The following RANBP2 variants were observed in gnomAD, a reference collection of about 807,000 sequenced individuals.
RANBP2 encodes the protein RAN binding protein 2, also known as E3 SUMO-protein ligase RanBP2.
RANBP2 carries 57 observed loss-of-function variants against 303.6 expected under a neutral mutation model. The observed-to-expected ratio is 0.19, with a 90% CI of 0.15 to 0.23. The LOEUF is 0.23. Ranked by LOEUF, RANBP2 falls within the 10% of genes least tolerant of loss-of-function variation. The pLI is 1.00. For synonymous variants in RANBP2, 1,167 were observed against 1,301.5 expected, an observed-to-expected ratio of 0.90 and a Z score of 2.23; for missense variants, 3,138 against 3,780.8, an observed-to-expected ratio of 0.83 and a Z score of 4.46.
At chr2:109,541,310 G>A in the RANBP2 span, among the ~76,000 whole-genome samples, 6 of 152,252 alleles carry the variant, frequency 3.9e-5, no homozygotes, top group South Asian at 4.1e-4. Context: ...TCTGTAAGAC[G>A]TTATAATTGC....
the RANBP2 span, among the ~76,000 whole-genome samples, chr2:109,368,382 GT>G: frequency 1.3e-5 from 2 of 152,018 alleles, no homozygotes; most frequent in East Asian, 3.9e-4. Flanking sequence ...GGACATTCAA[GT>G]TTAATCCTTA....
the RANBP2 span, among the ~76,000 whole-genome samples, chr2:109,519,760 C>A: frequency 6.6e-6 from 1 of 152,220 alleles, no homozygotes; most frequent in South Asian, 2.1e-4. Flanking sequence ...TTGTCAAGGG[C>A]ATGTGAGGGC....
the RANBP2 span, among the ~76,000 whole-genome samples, chr2:108,817,148 A>T: frequency 6.6e-6 from 1 of 152,242 alleles, no homozygotes; most frequent in African/African-American, 2.4e-5. Flanking sequence ...TAGGGAGGTT[A>T]TCCAGGATTA....
chr2:108,871,826 T>A, the RANBP2 span, among the ~76,000 whole-genome samples: 2 of 152,214 alleles, frequency 1.3e-5, no homozygotes, highest in East Asian at 3.8e-4. Flanking sequence ...TTTTTAGTCA[T>A]AGTTTATCTT....
the RANBP2 span, among the ~76,000 whole-genome samples, chr2:109,417,424 A>G: frequency 3.9e-5 from 6 of 152,078 alleles, no homozygotes; most frequent in Non-Finnish European, 8.8e-5. Flanking sequence ...GGGCAGACAG[A>G]AGACCCTGGA....
chr2:109,698,918 G>A, the RANBP2 span, among the ~76,000 whole-genome samples: 4 of 152,174 alleles, frequency 2.6e-5, no homozygotes, highest in South Asian at 4.1e-4. Flanking sequence ...GTGAGACTCC[G>A]TCTCAAAAAG....
At chr2:109,369,117 G>A in the RANBP2 span, among the ~76,000 whole-genome samples, 1 of 152,068 alleles carries the variant, frequency 6.6e-6, no homozygotes, top group East Asian at 1.9e-4. Flanking sequence ...GGCCGAGGTG[G>A]GCAGATCACG....
chr2:109,185,833 G>T, the RANBP2 span, among the ~76,000 whole-genome samples: 1 of 152,246 alleles, frequency 6.6e-6, no homozygotes, highest in Non-Finnish European at 1.5e-5. Context: ...GAGAAATGAG[G>T]CGACAGTGTC....
In RANBP2 at chr2:108,781,435, T is replaced by C; in HGVS notation, c.8760+6T>C. The C allele has an allele frequency of 6.2e-7, 1 of 1,613,232 alleles. No homozygotes were observed. Among genetic ancestry groups the C allele is most frequent in the Non-Finnish European group, 8.5e-7 (1 of 1,179,190 alleles). On this transcript the variant is annotated splice_donor_region_variant and intron_variant, in intron 26 of 28. Transcript: ENST00000283195. ...CAATAGTGTCACTACCAGAGGTAAA[T>C]GTTAAGGAATTAACCTTTTACTAAT... is the stretch of plus-strand genomic sequence containing the variant.
At chr2:109,047,164 T>A in the RANBP2 span, among the ~76,000 whole-genome samples, 1 of 151,622 alleles carries the variant, frequency 6.6e-6, no homozygotes, top group Non-Finnish European at 1.5e-5. Flanking sequence ...GGCCCAGCCC[T>A]GCTCCCCTCA....
At chr2:108,917,214 C>T in the RANBP2 span, among the ~76,000 whole-genome samples, 6 of 152,120 alleles carry the variant, frequency 3.9e-5, no homozygotes, top group Admixed American at 2.0e-4. Context: ...ATAAAAGCAA[C>T]GCGCGGCTCG....
At chr2:108,979,677 A>T in the RANBP2 span, among the ~76,000 whole-genome samples, 1 of 152,110 alleles carries the variant, frequency 6.6e-6, no homozygotes, top group Non-Finnish European at 1.5e-5. Flanking sequence ...ATCATGAAGG[A>T]TGCAGATGGC....
At chr2:109,277,001 C>T in the RANBP2 span, among the ~76,000 whole-genome samples, 1 of 152,074 alleles carries the variant, frequency 6.6e-6, no homozygotes, top group Non-Finnish European at 1.5e-5. Flanking sequence ...GGCAAATGGA[C>T]AGAATCAACA....
At chr2:109,689,186 C>A in the RANBP2 span, among the ~76,000 whole-genome samples, 1 of 152,196 alleles carries the variant, frequency 6.6e-6, no homozygotes, top group South Asian at 2.1e-4. Context: ...AGATTACAGG[C>A]GTGAGCCACC....
the RANBP2 span, chr2:108,929,126 G>A: frequency 6.4e-7 from 1 of 1,571,670 alleles, no homozygotes; most frequent in Non-Finnish European, 8.7e-7. Context: ...TGTTCCCAAG[G>A]TCCTTGCCCG....
the RANBP2 span, among the ~76,000 whole-genome samples, chr2:108,939,644 G>A: frequency 8.5e-5 from 13 of 152,164 alleles, no homozygotes; most frequent in Non-Finnish European, 1.9e-4. Flanking sequence ...TCCCCTGTAA[G>A]GCCATTGCTA....
the RANBP2 span, chr2:109,615,126 T>C: frequency 6.5e-7 from 1 of 1,549,548 alleles, no homozygotes; most frequent in South Asian, 1.2e-5. Context: ...GATGGGCAGC[T>C]CCCCGCAGCT....
At chr2:109,697,525 A>G in the RANBP2 span, among the ~76,000 whole-genome samples, 1 of 151,548 alleles carries the variant, frequency 6.6e-6, no homozygotes, top group Non-Finnish European at 1.5e-5. Context: ...CCTGAATTTA[A>G]AATTCCAAAA....
chr2:108,940,902 A>G, the RANBP2 span, among the ~76,000 whole-genome samples: 2 of 152,214 alleles, frequency 1.3e-5, no homozygotes, highest in Non-Finnish European at 2.9e-5. Context: ...TTAACTTGCA[A>G]TAAGCTTCAC....
Sources: allele counts gnomAD v4.1 joint callset (sites outside exome capture counted in the v4.1 genomes callset), GRCh38; gene constraint gnomAD v4.1.1; transcripts MANE v1.5; gene names NCBI Gene and HGNC (gene_info 2026-07-23, HGNC 2026-07-21).